The following SMIM36 variants were observed in gnomAD, a reference collection of about 807,000 sequenced individuals.
SMIM36 encodes small integral membrane protein 36.
At chr17:55,515,967 A>G (rs1019645060), upstream of SMIM36, among the ~76,000 whole-genome samples, 1 of 152,220 alleles carries the variant, frequency 6.6e-6, no homozygotes, top group Non-Finnish European at 1.5e-5. Flanking sequence ...CTTGCCCCTT[A>G]TAGACTTGAG....
chr17:55,519,677 C>T, the SMIM36 span, among the ~76,000 whole-genome samples: 3 of 152,110 alleles, frequency 2.0e-5, no homozygotes, highest in African/African-American at 7.2e-5. Context: ...ATGAGGTGAG[C>T]TAAGTGCTCA....
chr17:55,494,455 A>T (rs1204769556), intron 1 of SMIM36, among the ~76,000 whole-genome samples: 1 of 152,134 alleles, frequency 6.6e-6, no homozygotes, highest in Non-Finnish European at 1.5e-5. Flanking sequence ...CATCCCTACC[A>T]ATCTAGACCA....
chr17:55,460,246 G>A (rs546344616), intron 4 of SMIM36, among the ~76,000 whole-genome samples: 1 of 151,826 alleles, frequency 6.6e-6, no homozygotes, highest in Non-Finnish European at 1.5e-5. Context: ...TGGCCAAGAT[G>A]GTGAAACCCT....
chr17:55,489,994 G>A (rs1038920541), intron 1 of SMIM36, among the ~76,000 whole-genome samples: 5 of 151,428 alleles, frequency 3.3e-5, no homozygotes, highest in African/African-American at 1.2e-4. Flanking sequence ...GACTATAGGC[G>A]CCTGCCACTG....
intron 3 of SMIM36, among the ~76,000 whole-genome samples, chr17:55,474,580 C>T (rs773491210): frequency 4.6e-5 from 7 of 152,142 alleles, no homozygotes; most frequent in Non-Finnish European, 7.3e-5. Flanking sequence ...CGTATCGGCA[C>T]TTTGGTTTTT....
chr17:55,463,737 G>A (rs1909185665), intron 4 of SMIM36, among the ~76,000 whole-genome samples: 1 of 152,102 alleles, frequency 6.6e-6, no homozygotes, highest in Non-Finnish European at 1.5e-5. Flanking sequence ...TCAGAAACAG[G>A]AAGCCTGGGT....
intron 1 of SMIM36, among the ~76,000 whole-genome samples, chr17:55,509,008 T>G (rs770640615): frequency 4.7e-5 from 7 of 150,460 alleles, no homozygotes; most frequent in Admixed American, 1.3e-4. Context: ...GTTTTCAATA[T>G]AGTTTTTAAA....
intron 4 of SMIM36, among the ~76,000 whole-genome samples, chr17:55,452,037 C>CTGCA (rs1330843495): frequency 1.4e-5 from 2 of 140,250 alleles, no homozygotes; most frequent in East Asian, 4.3e-4. Flanking sequence ...GAGTTTGAGG[C>CTGCA]TGCAGTAAGC....
chr17:55,465,693 G>A (rs1301495360), intron 4 of SMIM36, among the ~76,000 whole-genome samples: 2 of 152,102 alleles, frequency 1.3e-5, no homozygotes, highest in East Asian at 3.9e-4. Context: ...AGACCACAGT[G>A]AATGTTCAAG....
chr17:55,524,046 G>GT, the SMIM36 span, among the ~76,000 whole-genome samples: 3 of 152,008 alleles, frequency 2.0e-5, no homozygotes, highest in Admixed American at 2.0e-4. Context: ...GTACCTAATA[G>GT]TTATTTTTTC....
At chr17:55,532,042 T>A in the SMIM36 span, among the ~76,000 whole-genome samples, 1 of 152,238 alleles carries the variant, frequency 6.6e-6, no homozygotes, top group Non-Finnish European at 1.5e-5. Context: ...AAGATATTGC[T>A]ATCGAAAAGT....
At chr17:55,526,417 C>T in the SMIM36 span, among the ~76,000 whole-genome samples, 1 of 152,078 alleles carries the variant, frequency 6.6e-6, no homozygotes, top group African/African-American at 2.4e-5. Flanking sequence ...TCTCGACCTC[C>T]CAAAGTGCTG....
At chr17:55,471,047 TCAATACCC>T (rs1909333687) in intron 3 of SMIM36, among the ~76,000 whole-genome samples, 1 of 152,096 alleles carries the variant, frequency 6.6e-6, no homozygotes, top group Non-Finnish European at 1.5e-5. Flanking sequence ...CCTCCTATCT[TCAATACCC>T]CCTCCCACAA....
At chr17:55,467,895 G>C (rs913805987) in intron 3 of SMIM36, among the ~76,000 whole-genome samples, 2 of 152,066 alleles carry the variant, frequency 1.3e-5, no homozygotes, top group African/African-American at 4.8e-5. Context: ...GTTGTGATTT[G>C]TTCCCGCCCC....
Position 55,479,987 on chromosome 17 carries a change from T to C in SMIM36, c.*175-407A>G, listed in dbSNP as rs188924836. ...CTTGACCTTTTCTTCAGAAACATCA[T>C]CTTTGCTGCAAAAAGCCTCCCCCTA... On this transcript the variant is annotated intron_variant, in intron 1 of 4. Coordinates refer to ENST00000636752, the Ensembl canonical transcript of SMIM36. Among the ~76,000 whole-genome samples the C allele has an allele frequency of 2.6e-3, 394 of 152,236 alleles. 1 individual carries two copies. Among genetic ancestry groups the C allele is most frequent in the Non-Finnish European group, 3.9e-3 (263 of 68,000 alleles).
chr17:55,509,656 T>C (rs1910146405), intron 1 of SMIM36, among the ~76,000 whole-genome samples: 1 of 152,180 alleles, frequency 6.6e-6, no homozygotes, highest in Admixed American at 6.5e-5. Context: ...GTCATGACAC[T>C]CATTTCTCTT....
At chr17:55,528,836 C>T in the SMIM36 span, among the ~76,000 whole-genome samples, 3 of 152,186 alleles carry the variant, frequency 2.0e-5, no homozygotes, top group African/African-American at 7.2e-5. Context: ...CAGGCATGAG[C>T]CACTGCACCA....
intron 1 of SMIM36, among the ~76,000 whole-genome samples, chr17:55,509,219 A>G (rs1286296771): frequency 2.0e-5 from 3 of 152,168 alleles, no homozygotes; most frequent in South Asian, 2.1e-4. Flanking sequence ...AGTTTTCTAC[A>G]GGAGAAACCA....
At chr17:55,474,938 G>C (rs2143266007) in intron 3 of SMIM36, among the ~76,000 whole-genome samples, 1 of 152,292 alleles carries the variant, frequency 6.6e-6, no homozygotes, top group African/African-American at 2.4e-5. Flanking sequence ...TTGGCCATCA[G>C]AAGGAAGCCT....
Sources: gnomAD v4.1 joint callset for allele counts (sites outside exome capture counted in the v4.1 genomes callset) on GRCh38, gnomAD v4.1.1 for gene constraint, MANE v1.5 for transcripts, NCBI Gene and HGNC (gene_info 2026-07-23, HGNC 2026-07-21) for gene names.